PTPRD: variants seen among roughly 807,000 people sequenced by gnomAD.
The protein encoded by PTPRD is protein tyrosine phosphatase receptor type D.
Under a neutral mutation model 214.5 loss-of-function variants are expected in PTPRD, and 34 were observed. That is an observed-to-expected ratio of 0.16 (90% CI 0.12 to 0.21). The LOEUF (loss-of-function observed/expected upper bound fraction) is 0.21, where lower values mean the gene tolerates loss of function less well. Among genes scored for constraint, PTPRD ranks in the 10% least tolerant of loss-of-function variants. PTPRD has a pLI of 1.00. For synonymous variants in PTPRD, 1,128 were observed against 845.7 expected, an observed-to-expected ratio of 1.33 and a Z score of -5.79; for missense variants, 2,545 against 2,398.7, an observed-to-expected ratio of 1.06 and a Z score of -1.27.
intron 9 of PTPRD, among the ~76,000 whole-genome samples, chr9:9,193,742 A>G (rs1232127176): frequency 6.6e-6 from 1 of 152,136 alleles, no homozygotes; most frequent in African/African-American, 2.4e-5. Flanking sequence ...AGCTTACAGG[A>G]CAGAAGCTGC....
intron 8 of PTPRD, among the ~76,000 whole-genome samples, chr9:9,505,365 A>G (rs1356405881): frequency 6.6e-6 from 1 of 151,486 alleles, no homozygotes; most frequent in Admixed American, 6.6e-5. Flanking sequence ...TGCCATCAGA[A>G]TTTTACTTTC....
chr9:8,580,202 T>A (rs2092924588), intron 14 of PTPRD, among the ~76,000 whole-genome samples: 1 of 152,188 alleles, frequency 6.6e-6, no homozygotes, highest in African/African-American at 2.4e-5. Context: ...CTAGTTTGCC[T>A]TTGGAAAGAT....
At chr9:10,545,831 A>G (rs1401916423) in intron 2 of PTPRD, among the ~76,000 whole-genome samples, 1 of 152,030 alleles carries the variant, frequency 6.6e-6, no homozygotes, top group East Asian at 1.9e-4. Flanking sequence ...ATTTATTTTT[A>G]TATGTGAGTT....
intron 2 of PTPRD, among the ~76,000 whole-genome samples, chr9:10,527,971 G>C (rs928794207): frequency 6.6e-6 from 1 of 151,920 alleles, no homozygotes; most frequent in African/African-American, 2.4e-5. Context: ...AGTAAATATT[G>C]ATAATAATTT....
intron 3 of PTPRD, among the ~76,000 whole-genome samples, chr9:10,224,511 G>A (rs902326168): frequency 4.4e-4 from 67 of 151,774 alleles, no homozygotes; most frequent in African/African-American, 1.3e-3. Flanking sequence ...TTAAATTATC[G>A]TATGATTTTT....
intron 3 of PTPRD, among the ~76,000 whole-genome samples, chr9:10,065,715 G>C (rs910411088): frequency 1.3e-5 from 2 of 151,900 alleles, no homozygotes; most frequent in Non-Finnish European, 2.9e-5. Context: ...GCAAAATCCA[G>C]TCAAGAAACA....
chr9:9,510,751 C>G (rs756465650), intron 8 of PTPRD, among the ~76,000 whole-genome samples: 1 of 151,360 alleles, frequency 6.6e-6, no homozygotes, highest in Non-Finnish European at 1.5e-5. Context: ...AATCATGCAT[C>G]CTTGATTTAC....
intron 9 of PTPRD, among the ~76,000 whole-genome samples, chr9:9,394,098 C>G (rs10759058): frequency 0.72 from 108,709 of 151,976 alleles, 39,560 homozygotes; most frequent in Middle Eastern, 0.79. Context: ...CTTTTATTAT[C>G]CTAAAATATG....
chr9:9,625,525 T>A (rs1394126814), intron 7 of PTPRD, among the ~76,000 whole-genome samples: 1 of 151,700 alleles, frequency 6.6e-6, no homozygotes, highest in African/African-American at 2.4e-5. Context: ...TACTGTGAGG[T>A]GATTTCCTGA....
intron 10 of PTPRD, among the ~76,000 whole-genome samples, chr9:9,115,859 G>A (rs1178802140): frequency 6.6e-6 from 1 of 152,102 alleles, no homozygotes; most frequent in Non-Finnish European, 1.5e-5. Flanking sequence ...TATAGAAAAT[G>A]TATATACCCA....
intron 2 of PTPRD, among the ~76,000 whole-genome samples, chr9:10,582,587 A>T (rs1393843603): frequency 2.0e-5 from 3 of 152,212 alleles, no homozygotes; most frequent in Non-Finnish European, 4.4e-5. Context: ...CATATCTGGG[A>T]TGACTAGCCA....
chr9:8,638,994 C>T (rs1197811339), intron 12 of PTPRD, among the ~76,000 whole-genome samples: 1 of 152,092 alleles, frequency 6.6e-6, no homozygotes, highest in Non-Finnish European at 1.5e-5. Flanking sequence ...AGGTGCGTAC[C>T]ACCACGCTCA....
At chr9:9,436,599 G>A (rs2085339999) in intron 8 of PTPRD, among the ~76,000 whole-genome samples, 1 of 149,684 alleles carries the variant, frequency 6.7e-6, no homozygotes, top group Non-Finnish European at 1.5e-5. Flanking sequence ...ATGAAAGTCT[G>A]TTAATTATTA....
intron 3 of PTPRD, among the ~76,000 whole-genome samples, chr9:10,310,438 A>G (rs763293753): frequency 2.0e-5 from 3 of 152,068 alleles, no homozygotes; most frequent in Non-Finnish European, 4.4e-5. Flanking sequence ...TGCCTATTTT[A>G]ATAAAGAAGC....
At chr9:9,343,541 T>C (rs78635803) in intron 9 of PTPRD, among the ~76,000 whole-genome samples, 1,529 of 152,280 alleles carry the variant, frequency 0.01, 7 homozygotes, top group Non-Finnish European at 0.016. Context: ...ATCTCTGACT[T>C]TTCTCCAAAT....
intron 10 of PTPRD, among the ~76,000 whole-genome samples, chr9:9,155,045 T>C (rs999972083): frequency 1.3e-5 from 2 of 152,112 alleles, no homozygotes; most frequent in African/African-American, 4.8e-5. Flanking sequence ...AGAAATGCAA[T>C]AGGGTGGTAT....
chr9:9,226,093 T>C (rs1242816065), intron 9 of PTPRD, among the ~76,000 whole-genome samples: 1 of 151,988 alleles, frequency 6.6e-6, no homozygotes, highest in Non-Finnish European at 1.5e-5. Flanking sequence ...TGAATTGACG[T>C]TACCTCTACC....
rs1240632788 is a variant in PTPRD at position 8,935,442 on chromosome 9, C to A, written c.-104+83255G>T. Among the ~76,000 whole-genome samples the A allele has an allele frequency of 2.0e-5, 3 of 152,106 alleles. No homozygotes were observed. In the South Asian group the frequency reaches 6.2e-4, roughly 32 times the overall value. ...TCTGTACATAGAAAACACTGTGGTG[C>A]CTACCTTTAAAGTAAGTGCTTTGGG... On this transcript the variant is annotated intron_variant, in intron 11 of 45. Coordinates refer to ENST00000381196, the MANE Select transcript of PTPRD (RefSeq NM_002839.4).
chr9:8,426,474 A>G (rs974478902), intron 35 of PTPRD, among the ~76,000 whole-genome samples: 13 of 152,312 alleles, frequency 8.5e-5, no homozygotes, highest in Non-Finnish European at 2.9e-5. Context: ...AGTCCTTGCT[A>G]TGGTCTCTTG....
Sources: allele counts gnomAD v4.1 joint callset (sites outside exome capture counted in the v4.1 genomes callset), GRCh38; gene constraint gnomAD v4.1.1; transcripts MANE v1.5; gene names NCBI Gene and HGNC (gene_info 2026-07-23, HGNC 2026-07-21).